Variants in GPR149 observed in about 807,000 individuals in gnomAD.
GPR149 encodes the protein probable G protein-coupled receptor 149.
A neutral mutation model predicts 50.2 loss-of-function variants in GPR149; 50 were observed. The ratio of observed to expected loss-of-function variants is 1.00; its 90% CI spans 0.79 to 1.26. The LOEUF is 1.26. GPR149 is among the 50% of genes most tolerant of loss of function. The probability of loss-of-function intolerance (pLI) is 0.00; values close to 1 mark genes in which losing one functional copy is unlikely to be tolerated. For synonymous variants in GPR149, 405 were observed against 358.2 expected (o/e 1.13, Z -1.48); for missense variants, 983 against 895.4 (o/e 1.10, Z -1.25).
chr3:154,365,948 A>G (rs1178947546), intron 3 of GPR149, among the ~76,000 whole-genome samples: 3 of 152,164 alleles, frequency 2.0e-5, no homozygotes, highest in African/African-American at 7.2e-5. Flanking sequence ...ATTCACAGCA[A>G]TCTAGGCTTT....
intron 3 of GPR149, among the ~76,000 whole-genome samples, chr3:154,415,605 G>A (rs983957029): frequency 6.6e-6 from 1 of 151,842 alleles, no homozygotes; most frequent in Non-Finnish European, 1.5e-5. Context: ...AGTACATGCA[G>A]CAGGACTTTT....
intron 2 of GPR149, among the ~76,000 whole-genome samples, chr3:154,422,330 T>C (rs764105183): frequency 6.6e-6 from 1 of 151,646 alleles, no homozygotes; most frequent in Non-Finnish European, 1.5e-5. Flanking sequence ...ATTTTTATGT[T>C]GAATGTCATT....
chr3:154,376,413 C>T (rs950857798), intron 3 of GPR149, among the ~76,000 whole-genome samples: 1 of 151,958 alleles, frequency 6.6e-6, no homozygotes, highest in African/African-American at 2.4e-5. Context: ...GTCAATTTTC[C>T]CTGTTCAGGT....
chr3:154,421,136 T>A lies in GPR149; in HGVS notation c.1526A>T (p.Glu509Val). ...DINYEETTFS[E>V]GPERRLSHEE... ...ATGAGACAGTCTTCTTTCTGGCCCT[T>A]CAGAAAAGGTAGTTTCTTCATAGTT... The change falls in exon 3 of 4, where the codon GAA (glutamate) becomes GTA (valine). Residue 509 changes from glutamate to valine, a missense_variant. Coordinates refer to ENST00000389740, the MANE Select transcript of GPR149 (RefSeq NM_001038705.3). 6.2e-7 allele frequency: 1 copy of A among 1,613,390 alleles called. No individual in the cohort carries two copies. The highest frequency in any genetic ancestry group is 1.1e-5 in the South Asian group (1 of 91,062).
intron 3 of GPR149, among the ~76,000 whole-genome samples, chr3:154,408,351 C>T (rs1711750709): frequency 6.6e-6 from 1 of 152,166 alleles, no homozygotes; most frequent in African/African-American, 2.4e-5. Context: ...AATTGGATCA[C>T]CACTGCAGGC....
intron 3 of GPR149, among the ~76,000 whole-genome samples, chr3:154,381,664 C>T (rs1426290723): frequency 6.6e-6 from 1 of 152,032 alleles, no homozygotes; most frequent in Non-Finnish European, 1.5e-5. Flanking sequence ...GGATGAGGAT[C>T]TGCAAGGTAA....
chr3:154,422,267 G>A (rs1297156340), intron 2 of GPR149, among the ~76,000 whole-genome samples: 1 of 151,520 alleles, frequency 6.6e-6, no homozygotes, highest in Non-Finnish European at 1.5e-5. Flanking sequence ...TTAGTTGGTG[G>A]AGTGATGCAA....
At chr3:154,395,262 T>C (rs186852470) in intron 3 of GPR149, among the ~76,000 whole-genome samples, 8 of 151,970 alleles carry the variant, frequency 5.3e-5, no homozygotes, top group African/African-American at 1.9e-4. Flanking sequence ...AGGCAGATTT[T>C]GGGAAATACC....
chr3:154,353,634 T>C (rs1256786400), intron 3 of GPR149: 4 of 1,363,832 alleles, frequency 2.9e-6, no homozygotes, highest in African/African-American at 2.9e-5. Flanking sequence ...TTTCCTAGTT[T>C]TATCTTTGAA....
intron 2 of GPR149, among the ~76,000 whole-genome samples, chr3:154,423,163 T>C (rs1712194123): frequency 1.3e-5 from 2 of 151,854 alleles, no homozygotes; most frequent in Admixed American, 1.3e-4. Flanking sequence ...AGGTAGGCTA[T>C]GAAAAGAAAG....
chr3:154,397,875 T>C (rs576753869), intron 3 of GPR149, among the ~76,000 whole-genome samples: 7 of 152,290 alleles, frequency 4.6e-5, no homozygotes, highest in African/African-American at 1.7e-4. Context: ...TATATATAAA[T>C]GTTAACCAAC....
Position 154,428,862 on chromosome 3 carries a change from A to T in GPR149, c.754T>A (p.Ser252Thr). The T allele has an allele frequency of 6.2e-7, 1 of 1,613,832 alleles. No homozygotes were observed. Among genetic ancestry groups the T allele is most frequent in the Non-Finnish European group, 8.5e-7 (1 of 1,179,876 alleles). ...CTCGGGCCTGGAGCATCCTCTGGGGACAGGGAAACCACTCTCCCCGCAGTA... is the reference window on the plus strand; with the variant it reads ...CTCGGGCCTGGAGCATCCTCTGGGGTCAGGGAAACCACTCTCCCCGCAGTA... ...PPTAGRVVSLSPEDAPGPSLR... is the reference protein window; with the variant it reads ...PPTAGRVVSLTPEDAPGPSLR... The change falls in exon 1 of 4, where the codon TCC becomes ACC. Residue 252 changes from serine (S) to threonine (T), a missense_variant. By Grantham distance (58) the Ser-to-Thr change is moderately conservative. Transcript: ENST00000389740.
In GPR149 at chr3:154,409,293, A is replaced by T. The variant is rs568278672; in HGVS notation, c.1623+11746T>A. The stretch of plus-strand genomic sequence containing the variant: ...CCAAATGAGAAGGAACCAGAAAAAC[A>T]ATTCTAGTAATATGACAGAACAAGT... On this transcript the variant is annotated intron_variant, in intron 3 of 3. Transcript: ENST00000389740. Among the ~76,000 whole-genome samples the T allele has an allele frequency of 2.0e-5, 3 of 152,278 alleles. No individual in the cohort carries two copies. The South Asian group carries it at 6.2e-4, about 32-fold the overall frequency.
chr3:154,367,944 A>G (rs947795398), intron 3 of GPR149, among the ~76,000 whole-genome samples: 1 of 152,170 alleles, frequency 6.6e-6, no homozygotes, highest in Middle Eastern at 3.2e-3. Flanking sequence ...CAGCCACTTA[A>G]AGGCGATTAG....
In GPR149 at chr3:154,337,133, T is replaced by G. The variant is rs995683048; in HGVS notation, c.*566A>C. ...GGTAGAAATGAAGGAAACAACTATT[T>G]ATAGACTAGGAACCTGCGTGTTTCT... On this transcript the variant is annotated 3_prime_UTR_variant, in exon 4 of 4. Coordinates refer to ENST00000389740, the MANE Select transcript of GPR149 (RefSeq NM_001038705.3). 2 of 152,192 alleles carry G rather than the reference T, an allele frequency of 1.3e-5. No homozygotes were observed. Among genetic ancestry groups the G allele is most frequent in the African/African-American group, 4.8e-5 (2 of 41,452 alleles). The allele number at this position is 152,192 out of a possible 1,614,324, so 9.4% of individuals were successfully genotyped here. A position where few individuals can be genotyped will look rare whatever the true frequency, so the allele number is the denominator to read the frequency against.
chr3:154,388,475 C>G (rs1244043126), intron 3 of GPR149, among the ~76,000 whole-genome samples: 1 of 152,114 alleles, frequency 6.6e-6, no homozygotes. Context: ...CCACTGTTCT[C>G]TTAGCTACTA....
rs374504158 is a variant in GPR149, at chr3:154,428,589, C to A, written c.981+46G>T. 20 of 1,562,364 alleles carry A rather than the reference C, an allele frequency of 1.3e-5. No homozygotes were observed. The African/African-American group carries it at 2.3e-4, about 18-fold the overall frequency. On this transcript the variant is annotated intron_variant, in intron 1 of 3. Coordinates refer to ENST00000389740, the MANE Select transcript of GPR149 (RefSeq NM_001038705.3). Reference sequence around the variant, plus strand: ...ACGCCGGTCCCAACACTCATTTACACTGTCTGGCACACACACTCGCGCTTT... The same window carrying A: ...ACGCCGGTCCCAACACTCATTTACAATGTCTGGCACACACACTCGCGCTTT...
intron 3 of GPR149, among the ~76,000 whole-genome samples, chr3:154,401,394 T>C (rs1055803731): frequency 2.0e-5 from 3 of 152,226 alleles, no homozygotes; most frequent in African/African-American, 7.2e-5. Flanking sequence ...CTGGGATCTA[T>C]TAAACTATAA....
At chr3:154,409,525 T>C (rs183667219) in intron 3 of GPR149, among the ~76,000 whole-genome samples, 1 of 151,930 alleles carries the variant, frequency 6.6e-6, no homozygotes, top group Admixed American at 6.6e-5. Context: ...ATAGAAAGCA[T>C]AAATAAAAAA....
Sources: allele counts gnomAD v4.1 joint callset (sites outside exome capture counted in the v4.1 genomes callset), GRCh38; gene constraint gnomAD v4.1.1; transcripts MANE v1.5; gene names NCBI Gene and HGNC (gene_info 2026-07-23, HGNC 2026-07-21).